GPC6: variants seen among roughly 807,000 people sequenced by gnomAD.
GPC6 encodes glypican-6.
GPC6 carries 14 observed loss-of-function variants against 55.2 expected under a neutral mutation model. The ratio of observed to expected loss-of-function variants is 0.25; its 90% CI spans 0.17 to 0.40. The LOEUF is 0.40. Ranked by LOEUF, GPC6 falls within the 10% of genes least tolerant of loss-of-function variation. The pLI is 1.00. For synonymous variants in GPC6, 278 were observed against 259.6 expected (o/e 1.07, Z -0.68); for missense variants, 641 against 708.5 (o/e 0.90, Z 1.08).
At chr13:93,922,128 A>G (rs1282783778) in intron 3 of GPC6, among the ~76,000 whole-genome samples, 1 of 152,184 alleles carries the variant, frequency 6.6e-6, no homozygotes, top group Non-Finnish European at 1.5e-5. Flanking sequence ...GTGATAGTGA[A>G]AAGGTGTGGG....
At chr13:94,005,775 G>A (rs921910124) in intron 3 of GPC6, among the ~76,000 whole-genome samples, 1 of 152,048 alleles carries the variant, frequency 6.6e-6, no homozygotes, top group Non-Finnish European at 1.5e-5. Flanking sequence ...CGTTCCATCT[G>A]GCTTATCTCC....
chr13:93,246,380 T>G (rs918870251), intron 1 of GPC6, among the ~76,000 whole-genome samples: 1 of 150,142 alleles, frequency 6.7e-6, no homozygotes, highest in Non-Finnish European at 1.5e-5. Context: ...CAGGGGCCAG[T>G]GCTTCTCCAC....
chr13:94,099,995 A>G (rs1885797844), intron 4 of GPC6, among the ~76,000 whole-genome samples: 1 of 152,166 alleles, frequency 6.6e-6, no homozygotes, highest in South Asian at 2.1e-4. Context: ...AGGAGCAGGA[A>G]AGATAGCTAT....
chr13:94,382,630 A>G (rs1880215926), intron 7 of GPC6, 80 bp downstream of exon 7: 11 of 1,575,064 alleles, frequency 7.0e-6, no homozygotes, highest in Non-Finnish European at 9.6e-6. Context: ...AACTCTACAA[A>G]CCTGTTTATG....
intron 1 of GPC6, among the ~76,000 whole-genome samples, chr13:93,417,578 G>A (rs1876746947): frequency 6.6e-6 from 1 of 152,092 alleles, no homozygotes; most frequent in African/African-American, 2.4e-5. Flanking sequence ...CCAAAATGAG[G>A]TGGGGGAGAG....
At chr13:93,941,897 C>A (rs982671091) in intron 3 of GPC6, among the ~76,000 whole-genome samples, 1 of 152,168 alleles carries the variant, frequency 6.6e-6, no homozygotes, top group African/African-American at 2.4e-5. Flanking sequence ...ATATACGTAA[C>A]TTTCCTATGG....
At chr13:93,632,636 T>TATATATATATATAA (rs377056284) in intron 2 of GPC6, among the ~76,000 whole-genome samples, 11 of 128,292 alleles carry the variant, frequency 8.6e-5, no homozygotes, top group East Asian at 6.3e-4. Flanking sequence ...TATATATATA[T>TATATATATATATAA]AATAAAATAA....
At chr13:94,271,060 G>A (rs1247731027) in intron 4 of GPC6, among the ~76,000 whole-genome samples, 1 of 125,374 alleles carries the variant, frequency 8.0e-6, no homozygotes, top group African/African-American at 3.0e-5. Context: ...CGCAATCTCG[G>A]CTCACTGCAA....
chr13:94,270,009 A>G (rs1891940846), intron 4 of GPC6, among the ~76,000 whole-genome samples: 1 of 150,856 alleles, frequency 6.6e-6, no homozygotes, highest in Admixed American at 6.6e-5. Flanking sequence ...GAAACAAATG[A>G]TCTGTTTTAA....
chr13:93,650,448 G>A (rs969699707), intron 2 of GPC6, among the ~76,000 whole-genome samples: 2 of 151,490 alleles, frequency 1.3e-5, no homozygotes, highest in Non-Finnish European at 2.9e-5. Flanking sequence ...AGCCTTCACT[G>A]TAATCATGCT....
chr13:94,133,283 A>AC (rs1452394185), intron 4 of GPC6, among the ~76,000 whole-genome samples: 1 of 151,642 alleles, frequency 6.6e-6, no homozygotes, highest in Non-Finnish European at 1.5e-5. Context: ...AAAAAAAAAA[A>AC]AAAAAAAAAC....
At chr13:93,366,404 ATTAG>A (rs1881249490) in intron 1 of GPC6, among the ~76,000 whole-genome samples, 1 of 152,114 alleles carries the variant, frequency 6.6e-6, no homozygotes, top group Admixed American at 6.6e-5. Context: ...TAGGGGTTTT[ATTAG>A]TTAATTAAAT....
chr13:94,321,232 C>G (rs1228563470), intron 6 of GPC6, among the ~76,000 whole-genome samples: 1 of 152,184 alleles, frequency 6.6e-6, no homozygotes, highest in East Asian at 1.9e-4. Context: ...ATCCATGTAG[C>G]TGCAAAATAC....
At chr13:93,913,810 C>T (rs932104228) in intron 3 of GPC6, among the ~76,000 whole-genome samples, 2 of 152,130 alleles carry the variant, frequency 1.3e-5, no homozygotes, top group Non-Finnish European at 2.9e-5. Context: ...CATTTTGAAG[C>T]TTCAAGATGT....
intron 2 of GPC6, among the ~76,000 whole-genome samples, chr13:93,792,473 G>C (rs1462356917): frequency 6.6e-6 from 1 of 152,146 alleles, no homozygotes; most frequent in African/African-American, 2.4e-5. Flanking sequence ...AACATGTCCA[G>C]CTCATTTTTG....
intron 3 of GPC6, among the ~76,000 whole-genome samples, chr13:93,891,722 AGTGT>A (rs548742127): frequency 1.2e-3 from 179 of 151,996 alleles, no homozygotes; most frequent in African/African-American, 4.2e-3. Flanking sequence ...GTGTGCATAC[AGTGT>A]GTGTGTGTAT....
intron 4 of GPC6, among the ~76,000 whole-genome samples, chr13:94,241,629 G>T (rs1178650605): frequency 1.3e-5 from 2 of 152,110 alleles, no homozygotes; most frequent in African/African-American, 4.8e-5. Flanking sequence ...GCCAGAGACT[G>T]GTTGTACCCA....
At chr13:94,152,587 A>T (rs638325) in intron 4 of GPC6, among the ~76,000 whole-genome samples, 86,669 of 151,838 alleles carry the variant, frequency 0.57, 26,267 homozygotes, top group Non-Finnish European at 0.66. Flanking sequence ...TAAGTGAGAT[A>T]AAGTATCCAG....
At chr13:93,746,391 A>G (rs550829638) in intron 2 of GPC6, among the ~76,000 whole-genome samples, 1 of 152,242 alleles carries the variant, frequency 6.6e-6, no homozygotes, top group African/African-American at 2.4e-5. Flanking sequence ...GTCCAAGACA[A>G]CGCCAAGATT....
Sources: allele counts gnomAD v4.1 joint callset (sites outside exome capture counted in the v4.1 genomes callset), GRCh38; gene constraint gnomAD v4.1.1; transcripts MANE v1.5; gene names NCBI Gene and HGNC (gene_info 2026-07-23, HGNC 2026-07-21).